SCAI: variants seen among roughly 807,000 people sequenced by gnomAD.
SCAI encodes protein SCAI.
In SCAI, 24 loss-of-function variants were observed where a neutral mutation model predicts 92.2. That is an observed-to-expected ratio of 0.26 (90% CI 0.19 to 0.37). SCAI has a LOEUF of 0.37. SCAI is among the 10% of genes least tolerant of loss of function. SCAI has a pLI of 1.00. For synonymous variants in SCAI, 261 were observed against 258.6 expected, an observed-to-expected ratio of 1.01 and a Z score of -0.09; for missense variants, 450 against 736.2, an observed-to-expected ratio of 0.61 and a Z score of 4.50.
At chr9:125,075,559 A>G (rs1442506279) in intron 2 of SCAI, among the ~76,000 whole-genome samples, 2 of 147,366 alleles carry the variant, frequency 1.4e-5, no homozygotes, top group Non-Finnish European at 3.0e-5. Flanking sequence ...CACCACGTCC[A>G]GCTAATTTTT....
intron 14 of SCAI, among the ~76,000 whole-genome samples, chr9:124,977,418 G>A (rs1031208138): frequency 3.3e-5 from 5 of 152,064 alleles, no homozygotes; most frequent in Non-Finnish European, 7.4e-5. Flanking sequence ...AGTGGCTCAC[G>A]ACTGTAATCC....
At chr9:125,026,987 G>A (rs775442777) in intron 5 of SCAI, 77 bp from the exon 6 acceptor site, 27 of 767,110 alleles carry the variant, frequency 3.5e-5, no homozygotes, top group Middle Eastern at 2.4e-4. Context: ...TCTATATACC[G>A]CTGTATTCCT....
In SCAI at chr9:124,952,750, T is replaced by A; in HGVS notation, c.*57A>T. ...TATGTGTCTTATCACGTTAGAAAAC[T>A]GCACCATTTAAAATTTGTGGAAAAT... On this transcript the variant is annotated 3_prime_UTR_variant, in exon 18 of 18. Coordinates refer to ENST00000336505, the MANE Select transcript of SCAI (RefSeq NM_001144877.3). 2.0e-6 allele frequency: 3 copies of A among 1,464,190 alleles called. No individual in the cohort carries two copies. The highest frequency in any genetic ancestry group is 2.8e-6 in the Non-Finnish European group (3 of 1,056,248). The allele number at this position is 1,464,190 out of a possible 1,614,324, so 90.7% of individuals were successfully genotyped here. A position where few individuals can be genotyped will look rare whatever the true frequency, so the allele number is the denominator to read the frequency against.
chr9:125,031,470 C>CGATGTCCT (rs1564385890), intron 3 of SCAI, among the ~76,000 whole-genome samples: 2 of 151,182 alleles, frequency 1.3e-5, no homozygotes, highest in African/African-American at 4.9e-5. Context: ...ACTGTGGTCT[C>CGATGTCCT]GATCTCCTGA....
rs1832816026 is a variant in SCAI at position 125,018,937 on chromosome 9, C to T, written c.723G>A (p.Met241Ile). The change falls in exon 9 of 18, where the codon ATG becomes ATA. Residue 241 changes from methionine (M) to isoleucine (I), a missense_variant. By Grantham distance (10) the Met-to-Ile change is conservative (BLOSUM62 1). Coordinates refer to ENST00000336505, the MANE Select transcript of SCAI (RefSeq NM_001144877.3). ...VAAFIEADPV[M>I]VLNDDNTIVI... is the part of the protein sequence containing the mutation. ...CAATGGTATTATCATCATTTAATAC[C>T]ATTACAGGATCCGCCTAAAGAAAAA... 1 of 1,612,756 alleles carries T rather than the reference C, an allele frequency of 6.2e-7. No homozygotes were observed. Among genetic ancestry groups the T allele is most frequent in the African/African-American group, 1.3e-5 (1 of 74,856 alleles).
intron 9 of SCAI, among the ~76,000 whole-genome samples, chr9:125,012,794 G>A (rs1225322172): frequency 6.6e-6 from 1 of 152,088 alleles, no homozygotes; most frequent in Non-Finnish European, 1.5e-5. Flanking sequence ...GCTCTCCTCA[G>A]CAAACGTAAA....
intron 2 of SCAI, among the ~76,000 whole-genome samples, chr9:125,067,331 G>A (rs542786700): frequency 3.2e-4 from 48 of 152,198 alleles, no homozygotes; most frequent in East Asian, 3.9e-4. Context: ...TTAAGATGAC[G>A]TCATGCTGGA....
chr9:124,973,933 C>T (rs112749956), intron 15 of SCAI, among the ~76,000 whole-genome samples: 2 of 152,296 alleles, frequency 1.3e-5, no homozygotes, highest in African/African-American at 4.8e-5. Context: ...TCGGTCATTT[C>T]CCACCCCCAT....
At chr9:125,041,705 A>G (rs1442056906) in intron 3 of SCAI, among the ~76,000 whole-genome samples, 1 of 152,190 alleles carries the variant, frequency 6.6e-6, no homozygotes, top group Non-Finnish European at 1.5e-5. Flanking sequence ...AGTAAGCTGT[A>G]ATATATAAAT....
intron 17 of SCAI, chr9:124,968,772 G>C: frequency 1.0e-6 from 1 of 953,442 alleles, no homozygotes; most frequent in Non-Finnish European, 1.7e-6. Flanking sequence ...GGCATGGTGG[G>C]GTGCGCAGGC....
chr9:124,986,690 T>A (rs1016499140), intron 14 of SCAI, among the ~76,000 whole-genome samples: 1 of 152,090 alleles, frequency 6.6e-6, no homozygotes, highest in Admixed American at 6.6e-5. Flanking sequence ...CAAATCCCAA[T>A]AGATTTAAGC....
At chr9:124,991,469 A>G (rs1207936017) in intron 14 of SCAI, among the ~76,000 whole-genome samples, 1 of 152,114 alleles carries the variant, frequency 6.6e-6, no homozygotes, top group East Asian at 1.9e-4. Context: ...TAAAACATCC[A>G]GACCTATATA....
intron 9 of SCAI, among the ~76,000 whole-genome samples, chr9:125,010,305 G>A (rs113067298): frequency 0.16 from 24,907 of 152,134 alleles, 2,273 homozygotes; most frequent in East Asian, 0.24. Flanking sequence ...GATGGCACCT[G>A]GAAAATTGGG....
In SCAI at chr9:125,019,632, A is replaced by G. The variant is rs73577828; in HGVS notation, c.610-427T>C. Among the ~76,000 whole-genome samples the G allele has an allele frequency of 1.8e-3, 272 of 152,244 alleles. 3 individuals carry two copies. Among genetic ancestry groups the G allele is most frequent in the African/African-American group, 6.4e-3 (266 of 41,568 alleles). ...CTAGGCAACATAGTGAGACCCTACCACTACAAAAAATTATATATTTCTAAA... is the reference window on the plus strand; with the variant it reads ...CTAGGCAACATAGTGAGACCCTACCGCTACAAAAAATTATATATTTCTAAA... On this transcript the variant is annotated intron_variant, in intron 7 of 17. Transcript: ENST00000336505.
intron 9 of SCAI, among the ~76,000 whole-genome samples, chr9:125,004,750 TATATATA>T (rs1832443032): frequency 2.7e-4 from 4 of 14,960 alleles, no homozygotes; most frequent in South Asian, 3.4e-3. Flanking sequence ...TATATATATA[TATATATA>T]TATATATATA....
intron 2 of SCAI, among the ~76,000 whole-genome samples, chr9:125,065,260 A>G (rs961922420): frequency 2.6e-5 from 4 of 152,214 alleles, no homozygotes; most frequent in African/African-American, 7.2e-5. Context: ...AATGAAAAAA[A>G]GGAGTATCAC....
intron 2 of SCAI, among the ~76,000 whole-genome samples, chr9:125,126,589 T>TGTGTGTGTGTGA (rs10680873): frequency 2.8e-5 from 4 of 143,152 alleles, no homozygotes; most frequent in African/African-American, 1.1e-4. Context: ...TGTGTGTGTG[T>TGTGTGTGTGTGA]GAGAGAGAGA....
chr9:125,022,228 ATAAGTT>A (rs1272573309), intron 6 of SCAI, among the ~76,000 whole-genome samples: 3 of 152,190 alleles, frequency 2.0e-5, no homozygotes, highest in Non-Finnish European at 4.4e-5. Context: ...TTAGGTATAT[ATAAGTT>A]TATGATTTTT....
chr9:125,109,492 A>T (rs1055294658), intron 2 of SCAI, among the ~76,000 whole-genome samples: 5 of 152,198 alleles, frequency 3.3e-5, no homozygotes, highest in Non-Finnish European at 5.9e-5. Context: ...AATAATTTAA[A>T]GAACTATACT....
Sources: allele counts gnomAD v4.1 joint callset (sites outside exome capture counted in the v4.1 genomes callset), GRCh38; gene constraint gnomAD v4.1.1; transcripts MANE v1.5; gene names NCBI Gene and HGNC (gene_info 2026-07-23, HGNC 2026-07-21).